The following PCNX2 variants were observed in gnomAD, a reference collection of about 807,000 sequenced individuals.
PCNX2 encodes pecanex-like protein 2.
PCNX2 carries 168 observed loss-of-function variants against 223.8 expected under a neutral mutation model. The observed-to-expected ratio is 0.75, with a 90% confidence interval of 0.66 to 0.85. The LOEUF (loss-of-function observed/expected upper bound fraction) is 0.85. Among genes scored for constraint, PCNX2 ranks in the 40% least tolerant of loss-of-function variants. The pLI is 0.00. For synonymous variants in PCNX2, 1,006 were observed against 1,052.6 expected, an observed-to-expected ratio of 0.96 and a Z score of 0.86; for missense variants, 2,507 against 2,675.5, an observed-to-expected ratio of 0.94 and a Z score of 1.39.
At chr1:233,218,339 C>T (rs1427058534) in intron 10 of PCNX2, 155 bp from the exon 11 acceptor site, 1 of 286,676 alleles carries the variant, frequency 3.5e-6, no homozygotes, top group Admixed American at 6.6e-5. Context: ...AGCTCTGCCT[C>T]CCAGGTTCAA....
intron 21 of PCNX2, among the ~76,000 whole-genome samples, chr1:233,113,329 A>G (rs1380432310): frequency 1.3e-5 from 2 of 152,168 alleles, no homozygotes; most frequent in Non-Finnish European, 2.9e-5. Flanking sequence ...AGCCAAGAAA[A>G]TCAAAACATA....
intron 23 of PCNX2, among the ~76,000 whole-genome samples, chr1:233,069,382 C>T (rs1283358442): frequency 6.6e-6 from 1 of 152,162 alleles, no homozygotes; most frequent in Non-Finnish European, 1.5e-5. Context: ...TTACTGCACA[C>T]TCCACCCAAC....
intron 25 of PCNX2, among the ~76,000 whole-genome samples, chr1:233,044,965 G>A (rs189482610): frequency 1.1e-4 from 16 of 152,164 alleles, no homozygotes; most frequent in East Asian, 3.9e-4. Context: ...CACCACACCC[G>A]TCCTATTTGT....
rs117840893 is a variant in PCNX2, at chr1:232,984,287, G to T, written c.*17C>A. 1 of 1,575,996 alleles carries T rather than the reference G, an allele frequency of 6.3e-7. No homozygotes were observed. Among genetic ancestry groups the T allele is most frequent in the Non-Finnish European group, 8.6e-7 (1 of 1,160,904 alleles). ...GAGGTGTGGGGGAGCCAGCCTCCCCGCCCGGCCGCACGCCCGTCACTGCTC... is the reference window on the plus strand; with the variant it reads ...GAGGTGTGGGGGAGCCAGCCTCCCCTCCCGGCCGCACGCCCGTCACTGCTC... On this transcript the variant is annotated 3_prime_UTR_variant, in exon 34 of 34. Coordinates refer to ENST00000258229, the MANE Select transcript of PCNX2 (RefSeq NM_014801.4).
intron 1 of PCNX2, among the ~76,000 whole-genome samples, chr1:233,282,153 G>A (rs111558400): frequency 2.0e-5 from 3 of 152,006 alleles, no homozygotes; most frequent in South Asian, 2.1e-4. Flanking sequence ...TCTCAGCAGC[G>A]AGCAACACAG....
intron 32 of PCNX2, among the ~76,000 whole-genome samples, chr1:232,997,491 G>A (rs570011101): frequency 6.6e-6 from 1 of 152,154 alleles, no homozygotes; most frequent in Non-Finnish European, 1.5e-5. Flanking sequence ...AGGCCAAAAA[G>A]TAAAACCACT....
At position 233,218,132 on chromosome 1, in the gene PCNX2, A is replaced by C; in HGVS notation, c.2557T>G (p.Ser853Ala). 3.9e-6 allele frequency: 6 copies of C among 1,552,122 alleles called. No homozygotes were observed. The highest frequency in any genetic ancestry group is 5.2e-6 in the Non-Finnish European group (6 of 1,147,326). ...VLAILLIVLVSLLGFLTLSQG... is the reference protein window; with the variant it reads ...VLAILLIVLVALLGFLTLSQG... ...CTCAAGGTCAGAAATCCAAGGAGGG[A>C]AACCAGGACAATGAGTAAAATCGCC... The change falls in exon 11 of 34, where the codon TCC becomes GCC. Residue 853 changes from serine to alanine, a missense_variant. This residue lies in a region of PCNX2 where 104 missense variants were observed against 144.4 expected (regional missense o/e 0.72). Coordinates refer to ENST00000258229, the MANE Select transcript of PCNX2 (RefSeq NM_014801.4).
intron 25 of PCNX2, among the ~76,000 whole-genome samples, chr1:233,030,684 G>A (rs970642494): frequency 1.3e-5 from 2 of 152,174 alleles, no homozygotes; most frequent in Non-Finnish European, 2.9e-5. Context: ...CTAAAGCCTG[G>A]TCTTTTGGGG....
intron 15 of PCNX2, among the ~76,000 whole-genome samples, chr1:233,198,450 G>C (rs554964005): frequency 6.6e-6 from 1 of 152,142 alleles, no homozygotes; most frequent in Non-Finnish European, 1.5e-5. Context: ...ATCATCTTAG[G>C]CTTCCCTTGC....
chr1:233,152,100 G>C (rs1191534693), intron 19 of PCNX2, among the ~76,000 whole-genome samples: 1 of 152,230 alleles, frequency 6.6e-6, no homozygotes, highest in Non-Finnish European at 1.5e-5. Context: ...GAGGAGATCA[G>C]CCAGAGTATG....
At chr1:233,123,989 G>A (rs1024785427) in intron 21 of PCNX2, among the ~76,000 whole-genome samples, 15 of 152,044 alleles carry the variant, frequency 9.9e-5, no homozygotes, top group African/African-American at 3.6e-4. Flanking sequence ...AGTATATAGA[G>A]GTATCATTTA....
At chr1:233,045,565 G>A (rs1004403024) in intron 25 of PCNX2, among the ~76,000 whole-genome samples, 8 of 152,102 alleles carry the variant, frequency 5.3e-5, no homozygotes, top group Non-Finnish European at 1.0e-4. Flanking sequence ...TGACTCTCAG[G>A]GATAGGCAGT....
chr1:233,125,002 T>G (rs912186235), intron 21 of PCNX2, among the ~76,000 whole-genome samples: 3 of 152,168 alleles, frequency 2.0e-5, no homozygotes, highest in African/African-American at 4.8e-5. Context: ...CATTTACAAA[T>G]AGGTATTGAG....
intron 13 of PCNX2, 71 bp from the exon 14 acceptor site, chr1:233,200,335 G>C (rs1403701052): frequency 1.9e-6 from 2 of 1,031,150 alleles, no homozygotes; most frequent in African/African-American, 3.4e-5. Context: ...CTGCAGTGCT[G>C]TCTCTCTCCC....
chr1:233,249,503 C>T (rs192034878), intron 8 of PCNX2, among the ~76,000 whole-genome samples: 2 of 152,298 alleles, frequency 1.3e-5, no homozygotes, highest in East Asian at 1.9e-4. Context: ...GGACAGCAAA[C>T]CTCCCTCTCC....
chr1:233,187,408 C>T (rs1455454432), intron 15 of PCNX2, among the ~76,000 whole-genome samples: 1 of 152,140 alleles, frequency 6.6e-6, no homozygotes, highest in Non-Finnish European at 1.5e-5. Context: ...TCCATCACTA[C>T]TAGGGTCACA....
At chr1:233,021,250 G>A (rs1048247729) in intron 26 of PCNX2, among the ~76,000 whole-genome samples, 8 of 152,156 alleles carry the variant, frequency 5.3e-5, no homozygotes, top group Non-Finnish European at 8.8e-5. Flanking sequence ...CGGGGGCACC[G>A]TGTTTTTGGG....
intron 26 of PCNX2, among the ~76,000 whole-genome samples, chr1:233,017,950 G>T (rs1021790895): frequency 2.0e-5 from 3 of 152,168 alleles, no homozygotes; most frequent in Non-Finnish European, 4.4e-5. Context: ...AAAGAGATTG[G>T]GGTAGACCTG....
intron 13 of PCNX2, among the ~76,000 whole-genome samples, chr1:233,203,706 T>C (rs1286517789): frequency 1.3e-5 from 2 of 152,152 alleles, no homozygotes; most frequent in African/African-American, 4.8e-5. Context: ...GCATTTGATC[T>C]CTTCTGCACA....
Sources: gnomAD v4.1 joint callset for allele counts (sites outside exome capture counted in the v4.1 genomes callset) on GRCh38, gnomAD v4.1.1 for gene constraint, gnomAD v4.1.1 regional missense constraint, MANE v1.5 for transcripts, NCBI Gene and HGNC (gene_info 2026-07-23, HGNC 2026-07-21) for gene names.